Variants in DYNC1I1 observed in about 807,000 individuals in gnomAD.
DYNC1I1 encodes the protein cytoplasmic dynein 1 intermediate chain 1.
A neutral mutation model predicts 86.6 loss-of-function variants in DYNC1I1; 43 were observed. The observed-to-expected ratio is 0.50, with a 90% CI of 0.39 to 0.64. The LOEUF (loss-of-function observed/expected upper bound fraction) is 0.64. Ranked by LOEUF, DYNC1I1 falls within the 30% of genes least tolerant of loss-of-function variation. The probability of loss-of-function intolerance (pLI) is 0.00; values close to 1 mark genes in which losing one functional copy is unlikely to be tolerated. For synonymous variants in DYNC1I1, 262 were observed against 283.7 expected, an observed-to-expected ratio of 0.92 and a Z score of 0.77; for missense variants, 604 against 788.8, an observed-to-expected ratio of 0.77 and a Z score of 2.81.
At chr7:96,100,887 T>A (rs1229581254), downstream of DYNC1I1, among the ~76,000 whole-genome samples, 1 of 152,152 alleles carries the variant, frequency 6.6e-6, no homozygotes, top group African/African-American at 2.4e-5. Flanking sequence ...GAAGACACAC[T>A]CAAGGGTTAT....
chr7:95,833,346 A>G (rs1417520008), intron 5 of DYNC1I1, among the ~76,000 whole-genome samples: 1 of 150,604 alleles, frequency 6.6e-6, no homozygotes, highest in Non-Finnish European at 1.5e-5. Flanking sequence ...TTTTGGTGCC[A>G]GTACCATGCT....
At chr7:96,046,299 A>T (rs959906161) in intron 14 of DYNC1I1, among the ~76,000 whole-genome samples, 1 of 152,166 alleles carries the variant, frequency 6.6e-6, no homozygotes, top group Non-Finnish European at 1.5e-5. Context: ...GAGAGAATTA[A>T]TCAAAATTTG....
downstream of DYNC1I1, chr7:96,098,550 C>A (rs566803443): frequency 5.3e-6 from 3 of 568,546 alleles, no homozygotes; most frequent in Admixed American, 1.3e-4. Context: ...TTTGAGCAGC[C>A]AACCTGGCTG....
At chr7:96,090,316 A>T (rs532243883) in intron 16 of DYNC1I1, among the ~76,000 whole-genome samples, 27 of 151,986 alleles carry the variant, frequency 1.8e-4, no homozygotes, top group Admixed American at 3.3e-4. Flanking sequence ...GCTTCCTATA[A>T]TGCTAAATTT....
chr7:95,837,443 G>A (rs1584265990), intron 5 of DYNC1I1, among the ~76,000 whole-genome samples: 1 of 151,662 alleles, frequency 6.6e-6, no homozygotes, highest in African/African-American at 2.4e-5. Context: ...CCTGCCCCCA[G>A]AGGTGGAGCC....
chr7:95,941,395 C>T (rs1000206655), intron 6 of DYNC1I1, among the ~76,000 whole-genome samples: 4 of 152,022 alleles, frequency 2.6e-5, no homozygotes, highest in African/African-American at 2.4e-5. Flanking sequence ...CTGTGCCCTG[C>T]CCCCAGAGGT....
intron 4 of DYNC1I1, among the ~76,000 whole-genome samples, chr7:95,827,309 GCT>G (rs1795223014): frequency 6.6e-6 from 1 of 152,158 alleles, no homozygotes; most frequent in Non-Finnish European, 1.5e-5. Context: ...AAAGAGCCTG[GCT>G]GAGAAAAGTC....
chr7:96,096,653 G>A (rs1487324182), intron 16 of DYNC1I1, among the ~76,000 whole-genome samples: 2 of 152,022 alleles, frequency 1.3e-5, no homozygotes, highest in African/African-American at 4.8e-5. Flanking sequence ...CATTGGAGGA[G>A]GCGTTAATTT....
chr7:95,937,795 A>T (rs906679109), intron 6 of DYNC1I1, among the ~76,000 whole-genome samples: 4 of 152,224 alleles, frequency 2.6e-5, no homozygotes, highest in Middle Eastern at 3.4e-3. Context: ...ATCCATTTTT[A>T]ATGTAGAAGA....
chr7:95,834,678 C>G (rs1261991646), intron 5 of DYNC1I1, among the ~76,000 whole-genome samples: 58 of 131,640 alleles, frequency 4.4e-4, no homozygotes, highest in Non-Finnish European at 5.6e-4. Flanking sequence ...AGAGATTCAA[C>G]TTCTTCCTGG....
intron 14 of DYNC1I1, among the ~76,000 whole-genome samples, chr7:96,056,802 A>G (rs540752876): frequency 6.6e-6 from 1 of 152,164 alleles, no homozygotes; most frequent in South Asian, 2.1e-4. Context: ...CATCTGTAGT[A>G]AGAAGGTCTT....
At chr7:95,774,339 T>C (rs536763639) in intron 1 of DYNC1I1, among the ~76,000 whole-genome samples, 22 of 149,416 alleles carry the variant, frequency 1.5e-4, no homozygotes, top group Non-Finnish European at 2.8e-4. Context: ...TCCTCCTTCT[T>C]TGGACCTCTG....
chr7:95,799,640 G>GT (rs199827687), intron 1 of DYNC1I1, among the ~76,000 whole-genome samples: 2,323 of 143,448 alleles, frequency 0.016, 45 homozygotes, highest in African/African-American at 0.046. Context: ...TTTTTAAAAA[G>GT]TTTTTTTTTT....
At chr7:95,823,411 G>A (rs1244727569) in intron 4 of DYNC1I1, among the ~76,000 whole-genome samples, 1 of 152,072 alleles carries the variant, frequency 6.6e-6, no homozygotes, top group Non-Finnish European at 1.5e-5. Context: ...CTTTCCTATG[G>A]CATTTATTAA....
At chr7:96,056,053 A>G (rs1008186010) in intron 14 of DYNC1I1, 5 of 152,158 alleles carry the variant, frequency 3.3e-5, no homozygotes, top group Admixed American at 1.3e-4. Flanking sequence ...TCTCTGCCAG[A>G]CCCAACTACA....
chr7:95,858,135 T>A (rs187567272), intron 5 of DYNC1I1, among the ~76,000 whole-genome samples: 1 of 152,232 alleles, frequency 6.6e-6, no homozygotes. Context: ...TCAAGAGAGA[T>A]AATAGCTGTG....
chr7:95,808,877 G>A (rs1300474282), intron 2 of DYNC1I1, among the ~76,000 whole-genome samples: 1 of 152,118 alleles, frequency 6.6e-6, no homozygotes, highest in Non-Finnish European at 1.5e-5. Context: ...GGATTCTGTA[G>A]TAGATACAGA....
At chr7:95,812,214 G>A (rs1367589783) in intron 3 of DYNC1I1, among the ~76,000 whole-genome samples, 1 of 152,090 alleles carries the variant, frequency 6.6e-6, no homozygotes, top group Non-Finnish European at 1.5e-5. Context: ...GTAAATAAAA[G>A]GAAATTGCAC....
At chr7:96,075,429 G>A (rs773377631) in intron 14 of DYNC1I1, among the ~76,000 whole-genome samples, 6 of 152,198 alleles carry the variant, frequency 3.9e-5, no homozygotes, top group Admixed American at 6.5e-5. Flanking sequence ...GGGGTGAGCT[G>A]ACCCTATGCA....
Sources: gnomAD v4.1 joint callset for allele counts (sites outside exome capture counted in the v4.1 genomes callset) on GRCh38, gnomAD v4.1.1 for gene constraint, MANE v1.5 for transcripts, NCBI Gene and HGNC (gene_info 2026-07-23, HGNC 2026-07-21) for gene names.